RFX7: variants seen among roughly 807,000 people sequenced by gnomAD.
The protein encoded by RFX7 is regulatory factor X7.
RFX7 carries 26 observed loss-of-function variants against 111.8 expected under a neutral mutation model. The ratio of observed to expected loss-of-function variants is 0.23; its 90% CI spans 0.17 to 0.32. The LOEUF is 0.32. Ranked by LOEUF, RFX7 falls within the 10% of genes least tolerant of loss-of-function variation. The probability of loss-of-function intolerance (pLI) is 1.00; values close to 1 mark genes in which losing one functional copy is unlikely to be tolerated. For synonymous variants in RFX7, 624 were observed against 624.4 expected (o/e 1.00, Z 0.01); for missense variants, 1,573 against 1,772.9 (o/e 0.89, Z 2.02).
At chr15:56,183,528 C>T (rs533590574) in intron 2 of RFX7, among the ~76,000 whole-genome samples, 9 of 152,176 alleles carry the variant, frequency 5.9e-5, no homozygotes, top group Middle Eastern at 6.8e-3. Context: ...TTTCTGTACA[C>T]GCTTGAATCT....
At chr15:56,215,303 G>C (rs1213500460) in intron 2 of RFX7, among the ~76,000 whole-genome samples, 3 of 152,172 alleles carry the variant, frequency 2.0e-5, no homozygotes, top group Non-Finnish European at 4.4e-5. Context: ...TGAACCCACA[G>C]ATACAGAGGG....
intron 5 of RFX7, among the ~76,000 whole-genome samples, chr15:56,109,888 G>A (rs1162933243): frequency 3.9e-4 from 59 of 151,882 alleles, no homozygotes; most frequent in African/African-American, 1.4e-3. Context: ...GTCTCCGCCC[G>A]GCAGCCACCC....
intron 3 of RFX7, among the ~76,000 whole-genome samples, chr15:56,171,933 T>A (rs768986232): frequency 2.5e-4 from 38 of 152,086 alleles, no homozygotes; most frequent in Non-Finnish European, 4.4e-4. Context: ...TCAAAGTAGA[T>A]GAGATTATTT....
chr15:56,146,903 G>T (rs1386860976), intron 3 of RFX7, among the ~76,000 whole-genome samples: 1 of 152,150 alleles, frequency 6.6e-6, no homozygotes, highest in Non-Finnish European at 1.5e-5. Context: ...TTTCAGTCCA[G>T]CAAGGCTGGG....
intron 2 of RFX7, among the ~76,000 whole-genome samples, chr15:56,228,270 T>A (rs2043508044): frequency 6.6e-6 from 1 of 152,164 alleles, no homozygotes; most frequent in South Asian, 2.1e-4. Context: ...AAGTTATTAT[T>A]ACTTCAAATA....
chr15:56,142,888 G>A lies in RFX7; in HGVS notation c.291C>T (p.Ala97=). 1 of 1,613,460 alleles carries A rather than the reference G, an allele frequency of 6.2e-7. No homozygotes were observed. The highest frequency in any genetic ancestry group is 1.3e-5 in the African/African-American group (1 of 75,014). ...LSNGEKSDQN[A]MSSSRAQQMH... ...TTTGTTGTGCCCGACTAGATGACATGGCATTCTGATCACTAATAGAATGAA... is the reference window on the plus strand; with the variant it reads ...TTTGTTGTGCCCGACTAGATGACATAGCATTCTGATCACTAATAGAATGAA... The change falls in exon 5 of 10, where the codon GCC becomes GCT. Residue 97 remains alanine, a synonymous_variant. Transcript: ENST00000559447.
chr15:56,243,386 G>A (rs1272933929), intron 1 of RFX7, 59 bp downstream of exon 1: 14 of 854,870 alleles, frequency 1.6e-5, no homozygotes, highest in Non-Finnish European at 2.1e-5. Flanking sequence ...AGGAGGAGGG[G>A]GAGGGGGAGG....
chr15:56,160,643 A>G (rs1236323601), intron 3 of RFX7: 1 of 152,126 alleles, frequency 6.6e-6, no homozygotes, highest in African/African-American at 2.4e-5. Context: ...AGGAGAAAGT[A>G]TAAGGATCAA....
At chr15:56,227,368 G>C (rs2043496319) in intron 2 of RFX7, among the ~76,000 whole-genome samples, 1 of 152,140 alleles carries the variant, frequency 6.6e-6, no homozygotes, top group Non-Finnish European at 1.5e-5. Context: ...AATGATTACT[G>C]ATATAACTGA....
chr15:56,151,470 G>A (rs1168205140), intron 3 of RFX7, among the ~76,000 whole-genome samples: 2 of 152,142 alleles, frequency 1.3e-5, no homozygotes, highest in African/African-American at 4.8e-5. Context: ...AGCTTCATAA[G>A]TGAAGGAGAA....
At chr15:56,136,338 T>C (rs1234827494) in intron 5 of RFX7, among the ~76,000 whole-genome samples, 4 of 141,796 alleles carry the variant, frequency 2.8e-5, no homozygotes, top group African/African-American at 5.3e-5. Context: ...TCACATCCCT[T>C]GTAAGTTGGA....
chr15:56,135,167 C>T (rs2042281015), intron 5 of RFX7, among the ~76,000 whole-genome samples: 1 of 152,156 alleles, frequency 6.6e-6, no homozygotes, highest in African/African-American at 2.4e-5. Flanking sequence ...ATTTCTAGTT[C>T]TAGATCCCTG....
intron 2 of RFX7, among the ~76,000 whole-genome samples, chr15:56,241,015 T>C (rs1220752835): frequency 1.3e-5 from 2 of 152,134 alleles, no homozygotes; most frequent in African/African-American, 4.8e-5. Flanking sequence ...ATTTTGTTTA[T>C]TATCTACAAA....
intron 2 of RFX7, among the ~76,000 whole-genome samples, chr15:56,233,329 T>G (rs1460956339): frequency 6.6e-6 from 1 of 152,132 alleles, no homozygotes; most frequent in Non-Finnish European, 1.5e-5. Flanking sequence ...CAGATCTCAT[T>G]AGATTTATTC....
chr15:56,108,380 G>A (rs2041859976), intron 5 of RFX7, among the ~76,000 whole-genome samples: 2 of 152,182 alleles, frequency 1.3e-5, no homozygotes, highest in African/African-American at 2.4e-5. Context: ...TCCCTGGGAA[G>A]CAAGGTTGGT....
intron 2 of RFX7, among the ~76,000 whole-genome samples, chr15:56,217,030 A>C (rs962103967): frequency 9.2e-5 from 14 of 152,202 alleles, no homozygotes; most frequent in Non-Finnish European, 1.5e-5. Context: ...TTAACATAAA[A>C]ATGGTTAAAA....
At chr15:56,118,268 A>G (rs1422826515) in intron 5 of RFX7, among the ~76,000 whole-genome samples, 3 of 152,102 alleles carry the variant, frequency 2.0e-5, no homozygotes, top group African/African-American at 7.2e-5. Flanking sequence ...TTGTGCTGTC[A>G]AATACTAGAT....
intron 5 of RFX7, among the ~76,000 whole-genome samples, chr15:56,127,812 C>G (rs1206422290): frequency 6.6e-6 from 1 of 151,486 alleles, no homozygotes; most frequent in Non-Finnish European, 1.5e-5. Context: ...TCCCAAAGTG[C>G]TGGGATTACA....
chr15:56,201,268 G>A (rs1325244695), intron 2 of RFX7, among the ~76,000 whole-genome samples: 3 of 152,100 alleles, frequency 2.0e-5, no homozygotes, highest in Non-Finnish European at 4.4e-5. Flanking sequence ...AAATAAAGTC[G>A]CCAAGTTCAA....
Sources: gnomAD v4.1 joint callset for allele counts (sites outside exome capture counted in the v4.1 genomes callset) on GRCh38, gnomAD v4.1.1 for gene constraint, MANE v1.5 for transcripts, NCBI Gene and HGNC (gene_info 2026-07-23, HGNC 2026-07-21) for gene names.